ZNF497: variants seen among roughly 807,000 people sequenced by gnomAD.
ZNF497 encodes zinc finger-like protein.
For missense variants in ZNF497, 930 were observed against 714.0 expected (o/e 1.30, Z -3.45); for synonymous variants, 422 against 313.7 (o/e 1.35, Z -3.65).
rs560087828 is a variant in ZNF497, at chr19:58,356,061, G to C, written c.*78C>G. ...CGCACCGGCGGCCCGAAAAAGTCTGGGCCAGCAGACAGCGCACTCACGCCC... is the reference window on the plus strand; with the variant it reads ...CGCACCGGCGGCCCGAAAAAGTCTGCGCCAGCAGACAGCGCACTCACGCCC... On this transcript the variant is annotated 3_prime_UTR_variant, in exon 3 of 3. Transcript: ENST00000311044. 6.1e-5 allele frequency: 87 copies of C among 1,430,772 alleles called. No individual in the cohort carries two copies. Among genetic ancestry groups the C allele is most frequent in the Non-Finnish European group, 3.3e-5 (36 of 1,092,596 alleles). The allele number at this position is 1,430,772 out of a possible 1,614,324, so 88.6% of individuals were successfully genotyped here.
chr19:58,355,827 G>A lies in ZNF497; in HGVS notation c.*312C>T, dbSNP rs2052010771. The A allele has an allele frequency of 3.1e-6, 1 of 320,188 alleles. No individual in the cohort carries two copies. The highest frequency in any genetic ancestry group is 2.2e-5 in the African/African-American group (1 of 45,528). The allele number at this position is 320,188 out of a possible 1,614,324, so 19.8% of individuals were successfully genotyped here. On this transcript the variant is annotated 3_prime_UTR_variant, in exon 3 of 3. Coordinates refer to ENST00000311044, the MANE Select transcript of ZNF497 (RefSeq NM_198458.3). ...CAGTGCCAGAGAACTCAAAGAAATAGCCACACCTGTCGGAGACCCCAGTTC... is the reference window on the plus strand; with the variant it reads ...CAGTGCCAGAGAACTCAAAGAAATAACCACACCTGTCGGAGACCCCAGTTC...
chr19:58,358,551 G>C lies in ZNF497; in HGVS notation c.-77C>G. On this transcript the variant is annotated 5_prime_UTR_variant, in exon 2 of 3. Transcript: ENST00000311044. ...TTGCTCCTCTCCCTCCTCTGTCCTGGGGACCAGCTCCTCTTGGGGCCTGGG... is the reference window on the plus strand; with the variant it reads ...TTGCTCCTCTCCCTCCTCTGTCCTGCGGACCAGCTCCTCTTGGGGCCTGGG... The C allele has an allele frequency of 8.4e-7, 1 of 1,188,946 alleles. No homozygotes were observed. The highest frequency in any genetic ancestry group is 1.1e-6 in the Non-Finnish European group (1 of 941,510). 73.6% of individuals were successfully genotyped at this position (1,188,946 alleles called of 1,614,324 possible).
chr19:58,356,786 C>G lies in ZNF497; in HGVS notation c.850G>C (p.Val284Leu). ...TGCTGCCGCAGCCCCGCCACACGCA[C>G]GAAGGCCTTGCCGCAGTCGGGACAG... is the stretch of plus-strand genomic sequence containing the variant. The part of the protein sequence containing the change: ...HACPDCGKAF[V>L]RVAGLRQHRR... The change falls in exon 3 of 3, where the codon GTG becomes CTG. Residue 284 changes from valine to leucine, a missense_variant. Physicochemically the swap from Val to Leu is conservative, Grantham distance 32. Transcript: ENST00000311044. 1 of 1,574,484 alleles carries G rather than the reference C, an allele frequency of 6.4e-7. No homozygotes were observed. Among genetic ancestry groups the G allele is most frequent in the East Asian group, 2.3e-5 (1 of 43,198 alleles).
In ZNF497 at chr19:58,356,610, G is replaced by T; in HGVS notation, c.1026C>A (p.Gly342=). The change falls in exon 3 of 3, where the codon GGC becomes GGA. Residue 342 remains glycine (G), a synonymous_variant. Transcript: ENST00000311044. ...CAECGQAFVM[G]SYLAEHRRVH... Reference sequence around the variant, plus strand: ...CGCGCCGGTGCTCCGCCAGGTAGGAGCCCATGACGAAAGCCTGGCCGCACT... The same window carrying T: ...CGCGCCGGTGCTCCGCCAGGTAGGATCCCATGACGAAAGCCTGGCCGCACT... The T allele has an allele frequency of 6.5e-7, 1 of 1,545,882 alleles. No individual in the cohort carries two copies. The highest frequency in any genetic ancestry group is 8.7e-7 in the Non-Finnish European group (1 of 1,150,704).
intron 1 of ZNF497, chr19:58,358,799 C>G: frequency 4.4e-6 from 2 of 458,000 alleles, no homozygotes; most frequent in South Asian, 3.1e-5. Flanking sequence ...TCCCACAGCC[C>G]CCAGGCCCTC....
intron 1 of ZNF497, chr19:58,359,505 C>T (rs2052067629): frequency 2.2e-6 from 1 of 456,408 alleles, no homozygotes; most frequent in Non-Finnish European, 4.4e-6. Flanking sequence ...GCCATGGCTG[C>T]TTGTACCATC....
intron 1 of ZNF497, among the ~76,000 whole-genome samples, chr19:58,360,102 A>C (rs2052074890): frequency 1.3e-5 from 2 of 152,232 alleles, no homozygotes. Context: ...ATTTATGTGA[A>C]ATGTCCAGAA....
At position 58,356,771 on chromosome 19, in the gene ZNF497, GC is replaced by G; in HGVS notation, c.864del (p.Leu289CysfsTer86). On this transcript the variant is annotated frameshift_variant, in exon 3 of 3. Coordinates refer to ENST00000311044, the MANE Select transcript of ZNF497 (RefSeq NM_198458.3). ...CTGTGCGTGCGCCGGTGCTGCCGCA[GC>G]CCCGCCACACGCACGAAGGCCTTGC... ...DCGKAFVRVA[G>X]LRQHRRTHSS... 1 of 1,559,410 alleles carries G rather than the reference GC, an allele frequency of 6.4e-7. No individual in the cohort carries two copies. The highest frequency in any genetic ancestry group is 8.6e-7 in the Non-Finnish European group (1 of 1,159,120).
chr19:58,360,692 C>T (rs1599915996), intron 1 of ZNF497, among the ~76,000 whole-genome samples: 2 of 146,792 alleles, frequency 1.4e-5, no homozygotes, highest in East Asian at 2.0e-4. Flanking sequence ...TCAGGCCTGG[C>T]TTATTTTATT....
At position 58,357,018 on chromosome 19, in the gene ZNF497, C is replaced by T. The variant is rs773290314; in HGVS notation, c.618G>A (p.Val206=). The change falls in exon 3 of 3, where the codon GTG becomes GTA. Residue 206 remains valine (V), a synonymous_variant. Coordinates refer to ENST00000311044, the MANE Select transcript of ZNF497 (RefSeq NM_198458.3). ...CGCCCGTGTGCGTGCGTCGGTGCTG[C>T]ACCAGCGTGGTGCTTCGGCCGAAGG... The part of the protein sequence containing the change: ...GKSFGRSTTL[V]QHRRTHTGEK... The T allele has an allele frequency of 1.2e-5, 20 of 1,609,790 alleles. No homozygotes were observed. In the South Asian group the frequency reaches 2.2e-4, roughly 18 times the overall value.
Position 58,356,761 on chromosome 19 carries a change from T to C in ZNF497, c.875A>G (p.His292Arg), listed in dbSNP as rs370880990. The C allele has an allele frequency of 5.0e-5, 78 of 1,561,222 alleles. No homozygotes were observed. The highest frequency in any genetic ancestry group is 6.0e-5 in the Non-Finnish European group (70 of 1,160,190). ...CTTCTCGCTGCTGTGCGTGCGCCGG[T>C]GCTGCCGCAGCCCCGCCACACGCAC... ...AFVRVAGLRQ[H>R]RRTHSSEKPF... The change falls in exon 3 of 3, where the codon CAC becomes CGC. Residue 292 changes from histidine to arginine, a missense_variant. By Grantham distance (29) the His-to-Arg change is conservative. Transcript: ENST00000311044.
chr19:58,356,478 G>A lies in ZNF497; in HGVS notation c.1158C>T (p.Phe386=), dbSNP rs1051279914. ...HRRTHSGAKP[F]ACADCGKAFR... ...AGGCCTTGCCGCAGTCGGCGCAGGC[G>A]AAGGGCTTGGCGCCCGAGTGCGTGC... is the stretch of plus-strand genomic sequence containing the variant. Residue 386 remains phenylalanine (F), a synonymous_variant, in exon 3 of 3, where the codon TTC becomes TTT. Coordinates refer to ENST00000311044, the MANE Select transcript of ZNF497 (RefSeq NM_198458.3). 5.2e-6 allele frequency: 8 copies of A among 1,551,148 alleles called. No individual in the cohort carries two copies. The highest frequency in any genetic ancestry group is 4.7e-5 in the South Asian group (4 of 85,224).
In ZNF497 at chr19:58,357,658, GGA is replaced by G. The variant is rs1374247575; in HGVS notation, c.-14-11_-14-10del. The stretch of plus-strand genomic sequence containing the variant: ...CATCTCGCGCCTGTGACCTAAAACA[GGA>G]GAGAAAAGGCAAGTACCTTAGAGAA... On this transcript the variant is annotated splice_polypyrimidine_tract_variant and intron_variant, in intron 2 of 2. Coordinates refer to ENST00000311044, the MANE Select transcript of ZNF497 (RefSeq NM_198458.3). 22 of 1,513,162 alleles carry G rather than the reference GGA, an allele frequency of 1.5e-5. No individual in the cohort carries two copies. Among genetic ancestry groups the G allele is most frequent in the Non-Finnish European group, 1.9e-5 (21 of 1,132,524 alleles). The allele number at this position is 1,513,162 out of a possible 1,614,324, so 93.7% of individuals were successfully genotyped here. A position where few individuals can be genotyped will look rare whatever the true frequency, so the allele number is the denominator to read the frequency against.
intron 2 of ZNF497, 187 bp downstream of exon 2, chr19:58,358,302 G>A (rs1599912957): frequency 1.8e-5 from 23 of 1,279,124 alleles, no homozygotes; most frequent in Non-Finnish European, 2.2e-5. Flanking sequence ...AGAGAGAGAG[G>A]CCAAGGGTGG....
At position 58,354,652 on chromosome 19, in the gene ZNF497, C is replaced by T. The variant is rs531259079; in HGVS notation, c.*1487G>A. Reference sequence around the variant, plus strand: ...GGTCCCATTTCCATATTGCTGAGCACCTGCTGCATGCTCTCTGTCCTGCTC... The same window carrying T: ...GGTCCCATTTCCATATTGCTGAGCATCTGCTGCATGCTCTCTGTCCTGCTC... On this transcript the variant is annotated 3_prime_UTR_variant, in exon 3 of 3. Coordinates refer to ENST00000311044, the MANE Select transcript of ZNF497 (RefSeq NM_198458.3). 2.6e-5 allele frequency: 4 copies of T among 152,490 alleles called. No homozygotes were observed. The highest frequency in any genetic ancestry group is 9.6e-5 in the African/African-American group (4 of 41,594). 9.4% of individuals were successfully genotyped at this position (152,490 alleles called of 1,614,324 possible).
chr19:58,358,115 C>G, intron 2 of ZNF497: 1 of 1,271,876 alleles, frequency 7.9e-7, no homozygotes, highest in Non-Finnish European at 1.0e-6. Flanking sequence ...CTATGTCTGC[C>G]TCACCCACTC....
Position 58,356,497 on chromosome 19 carries a change from T to G in ZNF497, c.1139A>C (p.His380Pro). The change falls in exon 3 of 3, where the codon CAC becomes CCC. Residue 380 changes from histidine (H) to proline (P), a missense_variant. Coordinates refer to ENST00000311044, the MANE Select transcript of ZNF497 (RefSeq NM_198458.3). ...GCAGGCGAAGGGCTTGGCGCCCGAG[T>G]GCGTGCGCCGGTGGCTCAGTAGGTT... is the stretch of plus-strand genomic sequence containing the variant. ...RSNLLSHRRT[H>P]SGAKPFACAD... 2.6e-6 allele frequency: 4 copies of G among 1,549,368 alleles called. No homozygotes were observed. Among genetic ancestry groups the G allele is most frequent in the Non-Finnish European group, 3.5e-6 (4 of 1,153,248 alleles).
At chr19:58,358,285 C>G (rs184502517) in intron 2 of ZNF497, 2 of 1,289,432 alleles carry the variant, frequency 1.6e-6, no homozygotes, top group Non-Finnish European at 2.0e-6. Flanking sequence ...CAGCCCAGAT[C>G]CCTGAGAGAG....
Position 58,355,413 on chromosome 19 carries a change from AG to A in ZNF497, c.*725del, listed in dbSNP as rs1299882020. On this transcript the variant is annotated 3_prime_UTR_variant, in exon 3 of 3. Transcript: ENST00000311044. Reference sequence around the variant, plus strand: ...GTCATCCCAGCTGCTTGGGAGGCTGAGGTGGGAGGATCACCTGAGCCTAAGA... The same window carrying A: ...GTCATCCCAGCTGCTTGGGAGGCTGAGTGGGAGGATCACCTGAGCCTAAGA... The A allele has an allele frequency of 4.6e-5, 7 of 152,374 alleles. No homozygotes were observed. The East Asian group carries it at 1.4e-3, about 29-fold the overall frequency. The allele number at this position is 152,374 out of a possible 1,614,324, so 9.4% of individuals were successfully genotyped here.
Sources: gnomAD v4.1 joint callset for allele counts (sites outside exome capture counted in the v4.1 genomes callset) on GRCh38, gnomAD v4.1.1 for gene constraint, MANE v1.5 for transcripts, NCBI Gene and HGNC (gene_info 2026-07-23, HGNC 2026-07-21) for gene names.